Variants in TCF12 observed in about 807,000 individuals in gnomAD.
The protein encoded by TCF12 is DNA-binding protein HTF4.
TCF12 carries 45 observed loss-of-function variants against 86.0 expected under a neutral mutation model. The observed-to-expected ratio is 0.52, with a 90% CI of 0.41 to 0.67. The LOEUF is 0.67. TCF12 is among the 30% of genes least tolerant of loss of function. The pLI, the probability that TCF12 is intolerant of heterozygous loss-of-function variation, is 0.00. For synonymous variants in TCF12, 330 were observed against 299.6 expected (o/e 1.10, Z -1.05); for missense variants, 881 against 859.9 (o/e 1.02, Z -0.31).
intron 4 of TCF12, among the ~76,000 whole-genome samples, chr15:57,082,271 C>T (rs1222226662): frequency 6.6e-6 from 1 of 152,136 alleles, no homozygotes; most frequent in African/African-American, 2.4e-5. Flanking sequence ...TTCTAAAAGT[C>T]AGCAGCAGCC....
At chr15:57,245,389 A>G (rs1268331285) in intron 13 of TCF12, among the ~76,000 whole-genome samples, 1 of 152,230 alleles carries the variant, frequency 6.6e-6, no homozygotes, top group African/African-American at 2.4e-5. Flanking sequence ...CAGAGCTGAA[A>G]TTACAGGAAG....
At chr15:57,071,839 A>G (rs1352188961) in intron 4 of TCF12, among the ~76,000 whole-genome samples, 2 of 152,164 alleles carry the variant, frequency 1.3e-5, no homozygotes, top group African/African-American at 4.8e-5. Flanking sequence ...GACAGATAGC[A>G]TTTGAATAGG....
chr15:56,949,229 G>T (rs1339376606), intron 3 of TCF12, among the ~76,000 whole-genome samples: 1 of 152,026 alleles, frequency 6.6e-6, no homozygotes, highest in Non-Finnish European at 1.5e-5. Flanking sequence ...GTATATTTCT[G>T]CATTTGCTGG....
At chr15:57,177,729 A>C (rs144801310) in intron 6 of TCF12, among the ~76,000 whole-genome samples, 5,772 of 149,454 alleles carry the variant, frequency 0.039, 358 homozygotes, top group Admixed American at 0.17. Flanking sequence ...TTATTTATTT[A>C]TTTATTTTGT....
chr15:56,975,104 TA>T (rs1406140052), intron 3 of TCF12, among the ~76,000 whole-genome samples: 1 of 152,256 alleles, frequency 6.6e-6, no homozygotes, highest in Admixed American at 6.5e-5. Flanking sequence ...TAAGGGACAA[TA>T]TATAGCAAAC....
At chr15:57,243,650 T>C in intron 13 of TCF12, 100 bp downstream of exon 13, 1 of 1,046,248 alleles carries the variant, frequency 9.6e-7, no homozygotes, top group Admixed American at 2.2e-5. Flanking sequence ...TTGTGAAAAA[T>C]CATTTAGATT....
At chr15:57,054,974 C>T (rs1483474346) in intron 3 of TCF12, among the ~76,000 whole-genome samples, 1 of 151,850 alleles carries the variant, frequency 6.6e-6, no homozygotes, top group Non-Finnish European at 1.5e-5. Flanking sequence ...TGCATTGTAA[C>T]TCTTAGGAGA....
chr15:57,013,562 C>G (rs986041115), intron 3 of TCF12, among the ~76,000 whole-genome samples: 5 of 152,314 alleles, frequency 3.3e-5, no homozygotes, highest in Non-Finnish European at 5.9e-5. Flanking sequence ...CTCAAGTGAT[C>G]TGCCTGCGTC....
chr15:57,265,561 A>G (rs370904519), intron 18 of TCF12, among the ~76,000 whole-genome samples: 2 of 152,186 alleles, frequency 1.3e-5, no homozygotes, highest in Admixed American at 6.5e-5. Context: ...ATGTATGCAT[A>G]GTTCACATTT....
chr15:57,170,824 T>TTTG (rs2055432559), intron 6 of TCF12, among the ~76,000 whole-genome samples: 1 of 98,636 alleles, frequency 1.0e-5, no homozygotes, highest in Non-Finnish European at 1.9e-5. Flanking sequence ...TTTTTTTTTT[T>TTTG]AGAGATGGGG....
intron 5 of TCF12, among the ~76,000 whole-genome samples, chr15:57,138,065 T>G (rs1052782547): frequency 6.6e-6 from 1 of 152,088 alleles, no homozygotes; most frequent in Non-Finnish European, 1.5e-5. Context: ...TACCACCAGT[T>G]CTACTTGTTC....
chr15:57,244,437 T>C (rs141158334), intron 13 of TCF12, among the ~76,000 whole-genome samples: 233 of 152,178 alleles, frequency 1.5e-3, no homozygotes, highest in Middle Eastern at 3.4e-3. Flanking sequence ...ATGAATATTG[T>C]TAGTGGAGAT....
intron 5 of TCF12, among the ~76,000 whole-genome samples, chr15:57,149,260 T>G (rs980456544): frequency 6.6e-6 from 1 of 152,138 alleles, no homozygotes; most frequent in Non-Finnish European, 1.5e-5. Context: ...TTAGAGTATA[T>G]GTATGTGGGC....
chr15:56,922,064 G>A (rs879811314), intron 3 of TCF12, among the ~76,000 whole-genome samples: 40 of 151,886 alleles, frequency 2.6e-4, no homozygotes, highest in Non-Finnish European at 5.8e-4. Flanking sequence ...GAAACGATAG[G>A]CAAGTCCCAA....
chr15:57,145,580 T>G (rs1465893741), intron 5 of TCF12, among the ~76,000 whole-genome samples: 15 of 152,008 alleles, frequency 9.9e-5, no homozygotes, highest in African/African-American at 3.1e-4. Flanking sequence ...GTCACCCATA[T>G]TGACCACAGA....
At chr15:57,234,347 T>C (rs1234894785) in intron 12 of TCF12, among the ~76,000 whole-genome samples, 3 of 152,240 alleles carry the variant, frequency 2.0e-5, no homozygotes, top group African/African-American at 7.2e-5. Flanking sequence ...AGATTAATCA[T>C]TAAATCTATT....
chr15:56,957,550 C>G (rs2061552042), intron 3 of TCF12, among the ~76,000 whole-genome samples: 1 of 152,130 alleles, frequency 6.6e-6, no homozygotes, highest in South Asian at 2.1e-4. Context: ...TTCACCTTTG[C>G]AAGTTTGATT....
At position 56,974,554 on chromosome 15, in the gene TCF12, T is replaced by C. The variant is rs560854727; in HGVS notation, c.148+53456T>C. Among the ~76,000 whole-genome samples the C allele has an allele frequency of 7.8e-4, 118 of 152,222 alleles. 1 individual carries two copies. The highest frequency in any genetic ancestry group is 2.6e-3 in the African/African-American group (108 of 41,572). ...GGAAGAATAACAAAATTATTAAATA[T>C]CCACTTTGTTAGATTCTTTGAGAGA... is the stretch of plus-strand genomic sequence containing the variant. On this transcript the variant is annotated intron_variant, in intron 3 of 20. Coordinates refer to ENST00000333725, the MANE Select transcript of TCF12 (RefSeq NM_207037.2).
At chr15:57,179,694 C>G (rs1460339001) in intron 6 of TCF12, among the ~76,000 whole-genome samples, 1 of 152,042 alleles carries the variant, frequency 6.6e-6, no homozygotes, top group African/African-American at 2.4e-5. Flanking sequence ...TGTAAAAGAA[C>G]CAGTGTAAAA....
Sources: allele counts gnomAD v4.1 joint callset (sites outside exome capture counted in the v4.1 genomes callset), GRCh38; gene constraint gnomAD v4.1.1; transcripts MANE v1.5; gene names NCBI Gene and HGNC (gene_info 2026-07-23, HGNC 2026-07-21).